Variants in ABI3BP observed in about 807,000 individuals in gnomAD.
ABI3BP encodes ABI family member 3 binding protein.
In ABI3BP, 216 loss-of-function variants were observed where a neutral mutation model predicts 268.6. The ratio of observed to expected loss-of-function variants is 0.80; its 90% CI spans 0.72 to 0.90. The LOEUF is 0.90. Among genes scored for constraint, ABI3BP ranks in the 40% least tolerant of loss-of-function variants. ABI3BP has a pLI of 0.00. For missense variants in ABI3BP, 2,090 were observed against 2,182.4 expected (o/e 0.96, Z 0.84); for synonymous variants, 730 against 730.0 (o/e 1.00, Z 0.00).
chr3:100,819,088 C>G (rs1373334261), intron 40 of ABI3BP, among the ~76,000 whole-genome samples: 1 of 152,168 alleles, frequency 6.6e-6, no homozygotes, highest in African/African-American at 2.4e-5. Context: ...CAGAGTAGCT[C>G]TCTACTCTCT....
chr3:100,977,041 T>G (rs2086585112), intron 1 of ABI3BP, among the ~76,000 whole-genome samples: 1 of 152,240 alleles, frequency 6.6e-6, no homozygotes, highest in African/African-American at 2.4e-5. Flanking sequence ...AATCACTCTT[T>G]AATCAGCATT....
At chr3:100,905,707 A>G (rs1290078127) in intron 2 of ABI3BP, among the ~76,000 whole-genome samples, 2 of 152,206 alleles carry the variant, frequency 1.3e-5, no homozygotes, top group African/African-American at 2.4e-5. Flanking sequence ...TGTAAAATAC[A>G]AATTGTGCAA....
At chr3:100,755,911 A>T (rs1254563553) in intron 63 of ABI3BP, among the ~76,000 whole-genome samples, 1 of 152,234 alleles carries the variant, frequency 6.6e-6, no homozygotes, top group Non-Finnish European at 1.5e-5. Context: ...AAAGATAGAT[A>T]TTTTATAAAC....
chr3:100,901,769 GA>G (rs1194027727), intron 3 of ABI3BP, among the ~76,000 whole-genome samples: 3,659 of 108,548 alleles, frequency 0.034, 132 homozygotes, highest in African/African-American at 0.11. Flanking sequence ...CCGTCTCAAA[GA>G]AAAAAAAAAA....
intron 1 of ABI3BP, among the ~76,000 whole-genome samples, chr3:100,937,738 G>C (rs2066886162): frequency 6.6e-6 from 1 of 152,024 alleles, no homozygotes; most frequent in Non-Finnish European, 1.5e-5. Flanking sequence ...AACGGACAAT[G>C]CTAAGTTTCC....
chr3:100,832,308 T>C lies in ABI3BP; in HGVS notation c.2357A>G (p.Lys786Arg), dbSNP rs537546746. ...TTKRTRRPHP[K>R]PKTTPHPEVP... is the part of the protein sequence containing the mutation. ...TTCTGGATGGGGCGTGGTTTTAGGT[T>C]TGGGATGTGGACGACGGGTTCTTTT... The change falls in exon 31 of 68, where the codon AAA (lysine) becomes AGA (arginine). Residue 786 changes from lysine (K) to arginine (R), a missense_variant. By Grantham distance (26) the Lys-to-Arg change is conservative. Transcript: ENST00000471714. 5 of 1,535,518 alleles carry C rather than the reference T, an allele frequency of 3.3e-6. No homozygotes were observed. In the South Asian group the frequency reaches 5.9e-5, roughly 18 times the overall value.
intron 51 of ABI3BP, among the ~76,000 whole-genome samples, chr3:100,801,905 C>T (rs968325829): frequency 1.3e-5 from 2 of 152,124 alleles, no homozygotes; most frequent in Non-Finnish European, 2.9e-5. Context: ...CTATTGTTAT[C>T]TTGGCTTGCT....
intron 1 of ABI3BP, among the ~76,000 whole-genome samples, chr3:100,959,463 C>T (rs1290173968): frequency 2.4e-5 from 3 of 125,504 alleles, no homozygotes; most frequent in South Asian, 2.6e-4. Context: ...GCACTCCAGC[C>T]TGGGCGACAG....
At chr3:100,802,617 C>T (rs959239593) in intron 51 of ABI3BP, among the ~76,000 whole-genome samples, 3 of 152,088 alleles carry the variant, frequency 2.0e-5, no homozygotes, top group Non-Finnish European at 4.4e-5. Context: ...GGTGTTATGC[C>T]TAGGAATCTA....
At chr3:100,848,188 C>A (rs1472059025) in intron 18 of ABI3BP, among the ~76,000 whole-genome samples, 3 of 152,036 alleles carry the variant, frequency 2.0e-5, no homozygotes, top group African/African-American at 7.2e-5. Flanking sequence ...CTAACTCAGC[C>A]ATTGCCCTGG....
At chr3:100,823,145 A>G (rs925190362) in intron 37 of ABI3BP, among the ~76,000 whole-genome samples, 5 of 152,164 alleles carry the variant, frequency 3.3e-5, no homozygotes, top group Admixed American at 1.3e-4. Context: ...GCTTTATGAG[A>G]GTTAATAGCC....
At chr3:100,848,485 T>TCC (rs1205559546) in intron 18 of ABI3BP, among the ~76,000 whole-genome samples, 62 of 137,648 alleles carry the variant, frequency 4.5e-4, no homozygotes, top group African/African-American at 1.6e-3. Flanking sequence ...TTTTTTTTTT[T>TCC]CCCTGAGATA....
At chr3:100,985,901 A>G (rs1359466382) in intron 1 of ABI3BP, among the ~76,000 whole-genome samples, 2 of 152,208 alleles carry the variant, frequency 1.3e-5, no homozygotes, top group Non-Finnish European at 2.9e-5. Flanking sequence ...TAGATTTCCC[A>G]TATTCATAGT....
At chr3:100,756,640 C>T (rs73861204) in intron 63 of ABI3BP, among the ~76,000 whole-genome samples, 135 of 152,304 alleles carry the variant, frequency 8.9e-4, no homozygotes, top group African/African-American at 3.0e-3. Context: ...ATTCCACATT[C>T]GTTCCAGGCC....
intron 58 of ABI3BP, among the ~76,000 whole-genome samples, chr3:100,779,363 G>T (rs2096799733): frequency 6.6e-6 from 1 of 152,196 alleles, no homozygotes; most frequent in South Asian, 2.1e-4. Flanking sequence ...CAGACAAGAG[G>T]AAGGGCTTTG....
At chr3:100,785,088 A>G (rs1021678480) in intron 57 of ABI3BP, among the ~76,000 whole-genome samples, 1 of 152,208 alleles carries the variant, frequency 6.6e-6, no homozygotes, top group African/African-American at 2.4e-5. Flanking sequence ...TAAAAAGAAT[A>G]TGTCCTATAG....
intron 2 of ABI3BP, among the ~76,000 whole-genome samples, chr3:100,910,265 C>T (rs1445729783): frequency 1.3e-5 from 2 of 151,808 alleles, no homozygotes; most frequent in Non-Finnish European, 2.9e-5. Flanking sequence ...GTTGGGAAGT[C>T]GGGGGCAGGA....
At chr3:100,864,694 C>G (rs1359277929) in intron 11 of ABI3BP, 139 bp downstream of exon 11, 1 of 640,816 alleles carries the variant, frequency 1.6e-6, no homozygotes, top group African/African-American at 1.8e-5. Context: ...GAAGGTTAAC[C>G]ACTGCCAGGA....
intron 2 of ABI3BP, among the ~76,000 whole-genome samples, chr3:100,925,777 G>C (rs2061618895): frequency 6.6e-6 from 1 of 151,952 alleles, no homozygotes; most frequent in Non-Finnish European, 1.5e-5. Context: ...AGGCTCAAAA[G>C]TGACCCACAT....
Sources: gnomAD v4.1 joint callset for allele counts (sites outside exome capture counted in the v4.1 genomes callset) on GRCh38, gnomAD v4.1.1 for gene constraint, MANE v1.5 for transcripts, NCBI Gene and HGNC (gene_info 2026-07-23, HGNC 2026-07-21) for gene names.